The following NLGN1 variants were observed in gnomAD, a reference collection of about 807,000 sequenced individuals.
The protein encoded by NLGN1 is neuroligin 1.
A neutral mutation model predicts 65.5 loss-of-function variants in NLGN1; 12 were observed. That is an observed-to-expected ratio of 0.18 (90% CI 0.12 to 0.30). The LOEUF is 0.30. NLGN1 is among the 10% of genes least tolerant of loss of function. The pLI is 1.00. For missense variants in NLGN1, 750 were observed against 1,007.1 expected (o/e 0.74, Z 3.46); for synonymous variants, 350 against 359.5 (o/e 0.97, Z 0.30).
At chr3:174,051,230 A>G (rs1386224324) in intron 4 of NLGN1, among the ~76,000 whole-genome samples, 1 of 152,080 alleles carries the variant, frequency 6.6e-6, no homozygotes, top group South Asian at 2.1e-4. Context: ...CTTGTCTCCA[A>G]TTCCAGGGTG....
chr3:173,723,685 A>T (rs764961101), intron 3 of NLGN1, among the ~76,000 whole-genome samples: 3 of 152,222 alleles, frequency 2.0e-5, no homozygotes, highest in African/African-American at 4.8e-5. Context: ...TATTATAGTC[A>T]TCTAAATGTG....
Position 174,144,428 on chromosome 3 carries a change from C to T in NLGN1, c.647-130887C>T, listed in dbSNP as rs147753558. Among the ~76,000 whole-genome samples the T allele has an allele frequency of 5.1e-4, 77 of 152,246 alleles. No homozygotes were observed. The East Asian group carries it at 0.014, about 27-fold the overall frequency. ...TGATTTATAATCCTTTGGGTATATA[C>T]CCAGTAATGGGATTGCTGGGTCAAA... On this transcript the variant is annotated intron_variant, in intron 4 of 6. Transcript: ENST00000457714.
downstream of NLGN1, among the ~76,000 whole-genome samples, chr3:174,287,969 T>A (rs878899530): frequency 2.6e-5 from 4 of 151,548 alleles, no homozygotes; most frequent in Admixed American, 2.6e-4. Context: ...ACAAATGTTG[T>A]CTACTATGGG....
intron 2 of NLGN1, among the ~76,000 whole-genome samples, chr3:173,505,115 T>C (rs1471996389): frequency 6.6e-6 from 1 of 152,000 alleles, no homozygotes; most frequent in Non-Finnish European, 1.5e-5. Context: ...TCTGTGTCTC[T>C]GTAAATGACA....
intron 4 of NLGN1, among the ~76,000 whole-genome samples, chr3:173,949,486 C>G (rs896494127): frequency 2.0e-5 from 3 of 152,060 alleles, no homozygotes; most frequent in Non-Finnish European, 4.4e-5. Context: ...CCCTAATAGC[C>G]AATGCATAAT....
At chr3:173,752,969 G>T (rs1413167147) in intron 3 of NLGN1, among the ~76,000 whole-genome samples, 2 of 151,976 alleles carry the variant, frequency 1.3e-5, no homozygotes, top group Non-Finnish European at 2.9e-5. Context: ...TCCAAGAAAG[G>T]CCAAACCCTT....
At chr3:173,555,051 T>G (rs1741492509) in intron 2 of NLGN1, among the ~76,000 whole-genome samples, 1 of 152,298 alleles carries the variant, frequency 6.6e-6, no homozygotes, top group South Asian at 2.1e-4. Context: ...CATGTATATG[T>G]CTTATTTAAT....
At chr3:173,514,007 T>A (rs1733420359) in intron 2 of NLGN1, among the ~76,000 whole-genome samples, 1 of 152,156 alleles carries the variant, frequency 6.6e-6, no homozygotes, top group Admixed American at 6.6e-5. Context: ...TGTAACAATG[T>A]AACGTGTTAC....
intron 4 of NLGN1, among the ~76,000 whole-genome samples, chr3:174,226,249 G>T (rs937795821): frequency 6.6e-6 from 1 of 152,136 alleles, no homozygotes; most frequent in African/African-American, 2.4e-5. Flanking sequence ...GAAGGCATAT[G>T]ATAGTCCTAG....
intron 2 of NLGN1, among the ~76,000 whole-genome samples, chr3:173,500,368 A>T (rs1226285756): frequency 6.6e-6 from 1 of 152,114 alleles, no homozygotes; most frequent in South Asian, 2.1e-4. Context: ...TGATTTGCAT[A>T]TGTTGAACCA....
intron 4 of NLGN1, among the ~76,000 whole-genome samples, chr3:174,165,063 T>C (rs1477703776): frequency 6.6e-6 from 1 of 152,138 alleles, no homozygotes; most frequent in East Asian, 1.9e-4. Context: ...GATGTATTCC[T>C]AGGTATTTTT....
chr3:173,450,053 G>T (rs1238697628), intron 2 of NLGN1, among the ~76,000 whole-genome samples: 1 of 152,066 alleles, frequency 6.6e-6, no homozygotes, highest in African/African-American at 2.4e-5. Context: ...GAGCATTTAG[G>T]CCATTTACTT....
intron 4 of NLGN1, among the ~76,000 whole-genome samples, chr3:174,242,499 C>A (rs1301834957): frequency 6.6e-6 from 1 of 152,122 alleles, no homozygotes; most frequent in Admixed American, 6.6e-5. Flanking sequence ...ACATTACTGC[C>A]TGCGCTCCAT....
intron 4 of NLGN1, among the ~76,000 whole-genome samples, chr3:173,881,582 G>A (rs13070847): frequency 2.0e-5 from 3 of 151,264 alleles, no homozygotes; most frequent in Admixed American, 6.6e-5. Flanking sequence ...CCGCCACCAC[G>A]CCTGGCTAAT....
chr3:173,804,394 C>A (rs566539117), intron 3 of NLGN1, among the ~76,000 whole-genome samples: 29 of 152,108 alleles, frequency 1.9e-4, no homozygotes, highest in African/African-American at 6.7e-4. Context: ...ACAAATTCCA[C>A]TATATTTATA....
At chr3:174,049,604 G>A (rs1204400464) in intron 4 of NLGN1, among the ~76,000 whole-genome samples, 5 of 152,026 alleles carry the variant, frequency 3.3e-5, no homozygotes, top group Admixed American at 2.6e-4. Flanking sequence ...CTATCTCCCT[G>A]CCATCTTTCT....
At chr3:173,732,070 T>G (rs1364052899) in intron 3 of NLGN1, among the ~76,000 whole-genome samples, 2 of 152,100 alleles carry the variant, frequency 1.3e-5, no homozygotes, top group African/African-American at 4.8e-5. Flanking sequence ...TTAAGGTAGT[T>G]AAGATAAAAT....
At chr3:174,241,117 G>A (rs961758881) in intron 4 of NLGN1, among the ~76,000 whole-genome samples, 5 of 151,950 alleles carry the variant, frequency 3.3e-5, no homozygotes, top group Non-Finnish European at 7.4e-5. Flanking sequence ...AAATAGCTTT[G>A]AACCCTACAT....
At chr3:173,664,698 A>G (rs1018095891) in intron 3 of NLGN1, among the ~76,000 whole-genome samples, 1 of 152,074 alleles carries the variant, frequency 6.6e-6, no homozygotes, top group Admixed American at 6.6e-5. Flanking sequence ...TGGAAACTGT[A>G]TTATGCCTTA....
Sources: allele counts gnomAD v4.1 joint callset (sites outside exome capture counted in the v4.1 genomes callset), GRCh38; gene constraint gnomAD v4.1.1; transcripts MANE v1.5; gene names NCBI Gene and HGNC (gene_info 2026-07-23, HGNC 2026-07-21).